The following LRIG2 variants were observed in gnomAD, a reference collection of about 807,000 sequenced individuals.
LRIG2 encodes leucine-rich repeats and immunoglobulin-like domains protein 2.
Under a neutral mutation model 107.8 loss-of-function variants are expected in LRIG2, and 93 were observed. The observed-to-expected ratio is 0.86, with a 90% CI of 0.73 to 1.03. LRIG2 has a LOEUF of 1.03. LRIG2 is among the 50% of genes least tolerant of loss of function. The pLI is 0.00. For missense variants in LRIG2, 1,226 were observed against 1,296.0 expected, an observed-to-expected ratio of 0.95 and a Z score of 0.83; for synonymous variants, 471 against 470.6, an observed-to-expected ratio of 1.00 and a Z score of -0.01.
At chr1:113,121,433 G>A (rs1332057804) in intron 17 of LRIG2, among the ~76,000 whole-genome samples, 3 of 152,056 alleles carry the variant, frequency 2.0e-5, no homozygotes, top group South Asian at 4.2e-4. Context: ...GCCTGACATG[G>A]AAGAGCAGTG....
At chr1:113,102,959 TTAATTA>T (rs1439005018) in intron 11 of LRIG2, among the ~76,000 whole-genome samples, 3 of 152,274 alleles carry the variant, frequency 2.0e-5, no homozygotes, top group South Asian at 4.1e-4. Flanking sequence ...TAGGCTTAGT[TTAATTA>T]TAAGTTGTGA....
intron 17 of LRIG2, among the ~76,000 whole-genome samples, chr1:113,122,075 C>CTTT (rs758568453): frequency 0.019 from 1,630 of 86,924 alleles, 22 homozygotes; most frequent in East Asian, 0.022. Context: ...TTAGGCTCAC[C>CTTT]TTTTTTTTTT....
At chr1:113,120,398 A>G (rs192325967) in intron 17 of LRIG2, among the ~76,000 whole-genome samples, 145 of 152,022 alleles carry the variant, frequency 9.5e-4, no homozygotes, top group African/African-American at 3.3e-3. Flanking sequence ...CAGTGAGCTG[A>G]GATCGTGCCA....
In LRIG2 at chr1:113,114,686, C is replaced by A. The variant is rs1414969557; in HGVS notation, c.2340C>A (p.Tyr780Ter). 1 of 1,614,110 alleles carries A rather than the reference C, an allele frequency of 6.2e-7. No homozygotes were observed. The highest frequency in any genetic ancestry group is 8.5e-7 in the Non-Finnish European group (1 of 1,180,014). The change falls in exon 15 of 18, where the codon TAC becomes TAA. Residue 780 changes from tyrosine (Y) to a stop codon, truncating the protein, a stop_gained. Coordinates refer to ENST00000361127, the MANE Select transcript of LRIG2 (RefSeq NM_014813.3). LOFTEE classifies it high-confidence loss of function. The part of the protein sequence containing the change: ...NTLGTERGHI[Y>*]LNVISSPNCD... The stretch of plus-strand genomic sequence containing the variant: ...TTGGGACAGAACGTGGCCACATTTA[C>A]CTAAATGTCATTTCATCCCCCAATT...
In LRIG2 at chr1:113,073,828, A is replaced by G. The variant is rs1004103148; in HGVS notation, c.239+183A>G. Among the ~76,000 whole-genome samples the G allele has an allele frequency of 3.3e-5, 5 of 151,964 alleles. No individual in the cohort carries two copies. In the East Asian group the frequency reaches 9.6e-4, roughly 29 times the overall value. On this transcript the variant is annotated intron_variant, in intron 1 of 17. Coordinates refer to ENST00000361127, the MANE Select transcript of LRIG2 (RefSeq NM_014813.3). ...GTGGGAGCCTAAAAAAGCCGGTGTT[A>G]AGGTTTCTGGAGAATTGTATGAAGA...
rs1413286502 is a variant in LRIG2 at position 113,110,567 on chromosome 1, G to A, written c.1798+5G>A. 12 of 1,575,560 alleles carry A rather than the reference G, an allele frequency of 7.6e-6. No individual in the cohort carries two copies. Among genetic ancestry groups the A allele is most frequent in the Non-Finnish European group, 9.5e-6 (11 of 1,156,136 alleles). On this transcript the variant is annotated splice_donor_5th_base_variant and intron_variant, in intron 13 of 17. Transcript: ENST00000361127. The stretch of plus-strand genomic sequence containing the variant: ...AAGCCAAACTGACTGTAAATGGTAA[G>A]GAATTATGCTCCTTGATTTTTTTTA...
intron 15 of LRIG2, among the ~76,000 whole-genome samples, 153 bp from the exon 16 acceptor site, chr1:113,116,134 T>C (rs1156502026): frequency 4.6e-5 from 7 of 152,212 alleles, no homozygotes; most frequent in Non-Finnish European, 1.0e-4. Flanking sequence ...TAGTGAGAAA[T>C]AGTTTTAGGG....
At position 113,121,827 on chromosome 1, in the gene LRIG2, T is replaced by C. The variant is rs543255261; in HGVS notation, c.2972-2048T>C. 4.6e-5 allele frequency among the ~76,000 whole-genome samples: 7 copies of C among 151,834 alleles called. No individual in the cohort carries two copies. In the East Asian group the frequency reaches 1.4e-3, roughly 29 times the overall value. ...TATACTGTGATACTCCCGGGGATGG[T>C]TCTGGCAGGAGTGAATAATCTAATG... On this transcript the variant is annotated intron_variant, in intron 17 of 17. Transcript: ENST00000361127.
At chr1:113,119,595 T>A in intron 17 of LRIG2, 72 bp downstream of exon 17, 1 of 1,423,026 alleles carries the variant, frequency 7.0e-7, no homozygotes, top group Non-Finnish European at 9.6e-7. Flanking sequence ...ATCATATAGG[T>A]AGTGCTCTCA....
At chr1:113,080,096 C>G (rs1267271166) in intron 1 of LRIG2, among the ~76,000 whole-genome samples, 2 of 146,702 alleles carry the variant, frequency 1.4e-5, no homozygotes, top group South Asian at 2.2e-4. Flanking sequence ...TCTCGGCTCA[C>G]TGCAACCTCC....
At chr1:113,121,672 G>A (rs1158611235) in intron 17 of LRIG2, among the ~76,000 whole-genome samples, 1 of 151,914 alleles carries the variant, frequency 6.6e-6, no homozygotes, top group Non-Finnish European at 1.5e-5. Context: ...GAACCCAGGA[G>A]GCGGAGCTTG....
In LRIG2 at chr1:113,112,504, A is replaced by G; in HGVS notation, c.1824A>G (p.Pro608=). 6.2e-7 allele frequency: 1 copy of G among 1,603,594 alleles called. No homozygotes were observed. The change falls in exon 14 of 18, where the codon CCA becomes CCG. Residue 608 remains proline (P), a synonymous_variant. Coordinates refer to ENST00000361127, the MANE Select transcript of LRIG2 (RefSeq NM_014813.3). ...AGATGCCATCTTTTCTGAAAACGCC[A>G]ATGGATCTGACTATTCGCACTGGTG... ...VNEMPSFLKT[P]MDLTIRTGAM... is the part of the protein sequence containing the mutation.
intron 17 of LRIG2, among the ~76,000 whole-genome samples, chr1:113,120,464 T>TAAA (rs1254350636): frequency 6.7e-6 from 1 of 150,332 alleles, no homozygotes; most frequent in Admixed American, 6.6e-5. Context: ...ATAGTAATAA[T>TAAA]AAAATTTGGG....
At chr1:113,108,976 T>C (rs1654656568) in intron 12 of LRIG2, among the ~76,000 whole-genome samples, 1 of 152,220 alleles carries the variant, frequency 6.6e-6, no homozygotes, top group Non-Finnish European at 1.5e-5. Flanking sequence ...ATCCCTAGTA[T>C]CTCTGATCAT....
chr1:113,096,077 C>T, intron 7 of LRIG2, 60 bp downstream of exon 7: 1 of 1,603,298 alleles, frequency 6.2e-7, no homozygotes, highest in Admixed American at 1.7e-5. Context: ...TGGAATAAAT[C>T]ATTCCCATGG....
chr1:113,088,450 C>T (rs972005214), intron 1 of LRIG2, among the ~76,000 whole-genome samples: 9 of 152,044 alleles, frequency 5.9e-5, no homozygotes, highest in African/African-American at 1.7e-4. Context: ...TAATTATTTT[C>T]TTTAAAAATG....
chr1:113,096,040 C>T, intron 7 of LRIG2, 23 bp downstream of exon 7: 2 of 1,613,896 alleles, frequency 1.2e-6, no homozygotes, highest in Non-Finnish European at 1.7e-6. Flanking sequence ...TAGCATTTCA[C>T]TGGAGGCAGT....
chr1:113,091,533 T>A lies in LRIG2; in HGVS notation c.305+150T>A, dbSNP rs1653825926. The A allele has an allele frequency of 5.2e-6, 3 of 572,498 alleles. No homozygotes were observed. In the South Asian group the frequency reaches 7.5e-5, roughly 14 times the overall value. The allele number at this position is 572,498 out of a possible 1,614,324, so 35.5% of individuals were successfully genotyped here. A position where few individuals can be genotyped will look rare whatever the true frequency, so the allele number is the denominator to read the frequency against. On this transcript the variant is annotated intron_variant, in intron 2 of 17. Coordinates refer to ENST00000361127, the MANE Select transcript of LRIG2 (RefSeq NM_014813.3). ...AATTATTTGAAAACCTAAAATGTTT[T>A]CTTTGGCTTTGTTATTATCAGACTG...
In LRIG2 at chr1:113,074,902, C is replaced by A. The variant is rs1252611200; in HGVS notation, c.239+1257C>A. On this transcript the variant is annotated intron_variant, in intron 1 of 17. Transcript: ENST00000361127. The stretch of plus-strand genomic sequence containing the variant: ...CCAGCCTGAAAACAGAGCGAGACTC[C>A]GTCTGGGGGGAGGGAGGGTCGGGGA... Among the ~76,000 whole-genome samples, 17 of 76,426 alleles carry A rather than the reference C, an allele frequency of 2.2e-4. No individual in the cohort carries two copies. The Admixed American group carries it at 3.4e-3, about 15-fold the overall frequency. The allele number at this position is 76,426 out of a possible 152,430, so 50.1% of individuals were successfully genotyped here. A position where few individuals can be genotyped will look rare whatever the true frequency, so the allele number is the denominator to read the frequency against.
Sources: allele counts gnomAD v4.1 joint callset (sites outside exome capture counted in the v4.1 genomes callset), GRCh38; gene constraint gnomAD v4.1.1; transcripts MANE v1.5; gene names NCBI Gene and HGNC (gene_info 2026-07-23, HGNC 2026-07-21).